The following NDST4 variants were observed in gnomAD, a reference collection of about 807,000 sequenced individuals.
NDST4 encodes the protein N-heparan sulfate sulfotransferase 4.
NDST4 carries 63 observed loss-of-function variants against 100.8 expected under a neutral mutation model. The observed-to-expected ratio is 0.62, with a 90% CI of 0.51 to 0.77. NDST4 has a LOEUF of 0.77. Among genes scored for constraint, NDST4 ranks in the 30% least tolerant of loss-of-function variants. The pLI, the probability that NDST4 is intolerant of heterozygous loss-of-function variation, is 0.00. For missense variants in NDST4, 943 were observed against 1,018.4 expected (o/e 0.93, Z 1.01); for synonymous variants, 377 against 361.8 (o/e 1.04, Z -0.48).
chr4:114,961,351 G>A (rs528907853), intron 4 of NDST4, among the ~76,000 whole-genome samples: 1 of 151,654 alleles, frequency 6.6e-6, no homozygotes, highest in Admixed American at 6.6e-5. Context: ...ATAAAGATTA[G>A]AACAGAAATT....
At chr4:115,098,857 A>T (rs1729673501) in intron 1 of NDST4, among the ~76,000 whole-genome samples, 1 of 152,030 alleles carries the variant, frequency 6.6e-6, no homozygotes, top group Admixed American at 6.6e-5. Flanking sequence ...GTGCCACCAC[A>T]CCTTGCTAAT....
chr4:115,056,916 A>C (rs966487104), intron 2 of NDST4, among the ~76,000 whole-genome samples: 3 of 152,138 alleles, frequency 2.0e-5, no homozygotes, highest in Non-Finnish European at 2.9e-5. Context: ...AATTCCTAGT[A>C]ATAACAACAG....
intron 3 of NDST4, among the ~76,000 whole-genome samples, chr4:114,973,512 A>C (rs1452999117): frequency 6.6e-6 from 1 of 151,960 alleles, no homozygotes; most frequent in South Asian, 2.1e-4. Context: ...TAATGAAAAA[A>C]ATACATTTTG....
At chr4:115,011,111 G>T (rs1423914137) in intron 2 of NDST4, among the ~76,000 whole-genome samples, 2 of 151,928 alleles carry the variant, frequency 1.3e-5, no homozygotes, top group Non-Finnish European at 2.9e-5. Flanking sequence ...ATACAAAAAG[G>T]AAATTGATAG....
intron 2 of NDST4, among the ~76,000 whole-genome samples, chr4:115,005,832 A>C (rs1727401627): frequency 6.6e-6 from 1 of 152,016 alleles, no homozygotes; most frequent in African/African-American, 2.4e-5. Flanking sequence ...CAGGAGTTCG[A>C]AACCAGCCTG....
chr4:114,983,895 G>A (rs1726838007), intron 2 of NDST4, among the ~76,000 whole-genome samples: 1 of 152,094 alleles, frequency 6.6e-6, no homozygotes, highest in Non-Finnish European at 1.5e-5. Flanking sequence ...TCCCCCAAGT[G>A]CAGTCTTGTG....
intron 1 of NDST4, among the ~76,000 whole-genome samples, chr4:115,095,913 T>C (rs947860848): frequency 1.3e-4 from 20 of 152,216 alleles, no homozygotes; most frequent in African/African-American, 4.3e-4. Context: ...CAATCTTCTA[T>C]TTCTTTTGCT....
chr4:115,052,980 AC>A (rs747526807), intron 2 of NDST4, among the ~76,000 whole-genome samples: 1 of 152,178 alleles, frequency 6.6e-6, no homozygotes, highest in Non-Finnish European at 1.5e-5. Context: ...AAATAACAAT[AC>A]TTTTTTCTCA....
At chr4:115,098,066 G>A (rs567077628) in intron 1 of NDST4, among the ~76,000 whole-genome samples, 8 of 152,104 alleles carry the variant, frequency 5.3e-5, no homozygotes, top group Non-Finnish European at 1.0e-4. Context: ...GGTTGTGTGT[G>A]TAATACTAAC....
chr4:114,927,729 G>T (rs888502035), intron 6 of NDST4, among the ~76,000 whole-genome samples: 2 of 151,954 alleles, frequency 1.3e-5, no homozygotes, highest in Non-Finnish European at 2.9e-5. Context: ...AAACCACAGA[G>T]AAAATTACCA....
intron 4 of NDST4, among the ~76,000 whole-genome samples, chr4:114,956,569 A>G (rs1316890656): frequency 6.6e-6 from 1 of 152,192 alleles, no homozygotes; most frequent in South Asian, 2.1e-4. Flanking sequence ...CTTTTGTCAA[A>G]AGCAATCAAG....
At chr4:115,052,938 C>T (rs1728617084) in intron 2 of NDST4, among the ~76,000 whole-genome samples, 1 of 152,050 alleles carries the variant, frequency 6.6e-6, no homozygotes, top group African/African-American at 2.4e-5. Context: ...TGCAGAAAAG[C>T]CACACAACAA....
At chr4:115,018,945 C>T (rs556078747) in intron 2 of NDST4, among the ~76,000 whole-genome samples, 2 of 151,988 alleles carry the variant, frequency 1.3e-5, no homozygotes, top group Non-Finnish European at 2.9e-5. Flanking sequence ...AATGCAAATG[C>T]TAATTTTTAT....
chr4:114,992,341 C>A (rs925994602), intron 2 of NDST4, among the ~76,000 whole-genome samples: 1 of 151,658 alleles, frequency 6.6e-6, no homozygotes, highest in African/African-American at 2.4e-5. Context: ...AGTTCTATGT[C>A]CCCTGTCTTC....
chr4:114,974,964 G>C (rs1326472157), intron 3 of NDST4, among the ~76,000 whole-genome samples: 1 of 152,114 alleles, frequency 6.6e-6, no homozygotes, highest in Non-Finnish European at 1.5e-5. Flanking sequence ...AGAGAACAGA[G>C]ACAGTCAGTC....
At chr4:115,069,607 A>G (rs1309004753) in intron 2 of NDST4, among the ~76,000 whole-genome samples, 3 of 152,218 alleles carry the variant, frequency 2.0e-5, no homozygotes, top group Non-Finnish European at 4.4e-5. Flanking sequence ...ATGAGATATC[A>G]TCTCACACTA....
intron 1 of NDST4, among the ~76,000 whole-genome samples, chr4:115,091,139 C>A (rs1729511128): frequency 2.0e-5 from 3 of 152,002 alleles, no homozygotes; most frequent in Admixed American, 2.0e-4. Context: ...TCATATATAT[C>A]TAAAACAAAT....
intron 2 of NDST4, among the ~76,000 whole-genome samples, chr4:115,048,063 G>T (rs1165886806): frequency 2.0e-5 from 3 of 151,358 alleles, no homozygotes; most frequent in Admixed American, 6.6e-5. Context: ...TAATGACTGG[G>T]TAATACATCC....
chr4:114,860,404 A>G (rs1312817190), intron 7 of NDST4, among the ~76,000 whole-genome samples: 1 of 152,122 alleles, frequency 6.6e-6, no homozygotes, highest in East Asian at 1.9e-4. Context: ...ATTCCCAGCT[A>G]GAGAGTATAT....
Sources: allele counts gnomAD v4.1 joint callset (sites outside exome capture counted in the v4.1 genomes callset), GRCh38; gene constraint gnomAD v4.1.1; transcripts MANE v1.5; gene names NCBI Gene and HGNC (gene_info 2026-07-23, HGNC 2026-07-21).